The following SMAP1 variants were observed in gnomAD, a reference collection of about 807,000 sequenced individuals.
The protein encoded by SMAP1 is stromal membrane-associated protein 1.
In SMAP1, 24 loss-of-function variants were observed where a neutral mutation model predicts 58.5. The ratio of observed to expected loss-of-function variants is 0.41; its 90% CI spans 0.30 to 0.58. The LOEUF (loss-of-function observed/expected upper bound fraction) is 0.58. Among genes scored for constraint, SMAP1 ranks in the 20% least tolerant of loss-of-function variants. SMAP1 has a pLI of 0.29. For missense variants in SMAP1, 563 were observed against 566.3 expected, an observed-to-expected ratio of 0.99 and a Z score of 0.06; for synonymous variants, 216 against 196.6, an observed-to-expected ratio of 1.10 and a Z score of -0.82.
intron 4 of SMAP1, among the ~76,000 whole-genome samples, chr6:70,775,326 G>C (rs1767504344): frequency 6.6e-6 from 1 of 152,006 alleles, no homozygotes; most frequent in South Asian, 2.1e-4. Flanking sequence ...AATTATATTT[G>C]TATTATGTTT....
intron 2 of SMAP1, among the ~76,000 whole-genome samples, chr6:70,754,622 C>T (rs760539922): frequency 1.6e-4 from 25 of 152,064 alleles, no homozygotes; most frequent in Admixed American, 3.9e-4. Context: ...GCCCTGGAAA[C>T]GGGAGCATTG....
chr6:70,834,160 T>G (rs1770473735), intron 6 of SMAP1, among the ~76,000 whole-genome samples: 1 of 152,160 alleles, frequency 6.6e-6, no homozygotes, highest in African/African-American at 2.4e-5. Flanking sequence ...TGACAGATAG[T>G]TTCATACTCA....
intron 3 of SMAP1, among the ~76,000 whole-genome samples, chr6:70,763,846 CTGAGAGTGA>C (rs1376322532): frequency 6.6e-6 from 1 of 152,128 alleles, no homozygotes; most frequent in Admixed American, 6.6e-5. Flanking sequence ...TCTGTGAAGG[CTGAGAGTGA>C]TGAGGAAGCC....
intron 6 of SMAP1, among the ~76,000 whole-genome samples, chr6:70,808,216 G>A (rs1769221671): frequency 6.6e-6 from 1 of 152,234 alleles, no homozygotes; most frequent in East Asian, 1.9e-4. Flanking sequence ...AACCCATGTC[G>A]TTCAAGGGTC....
At chr6:70,808,322 A>G (rs931453435) in intron 6 of SMAP1, among the ~76,000 whole-genome samples, 1 of 152,254 alleles carries the variant, frequency 6.6e-6, no homozygotes, top group Non-Finnish European at 1.5e-5. Context: ...GTGAAGAACC[A>G]GATAGTAAAT....
At chr6:70,678,970 C>T (rs1326012286) in intron 1 of SMAP1, among the ~76,000 whole-genome samples, 1 of 151,734 alleles carries the variant, frequency 6.6e-6, no homozygotes, top group Non-Finnish European at 1.5e-5. Flanking sequence ...ATTATTCTGC[C>T]TAACAAAGTG....
chr6:70,699,041 G>A (rs1767522219), intron 1 of SMAP1, among the ~76,000 whole-genome samples: 1 of 152,180 alleles, frequency 6.6e-6, no homozygotes, highest in Non-Finnish European at 1.5e-5. Flanking sequence ...TCTTGGGAAG[G>A]CTGTCCAAGT....
At chr6:70,722,753 A>G (rs921634812) in intron 1 of SMAP1, among the ~76,000 whole-genome samples, 9 of 152,278 alleles carry the variant, frequency 5.9e-5, no homozygotes, top group Non-Finnish European at 1.2e-4. Flanking sequence ...CAGCAGGAAC[A>G]TGTCCTTAAG....
chr6:70,859,405 G>A (rs956931241), intron 10 of SMAP1: 1 of 1,547,790 alleles, frequency 6.5e-7, no homozygotes, highest in African/African-American at 1.4e-5. Flanking sequence ...TGGTTAAAAT[G>A]TCCTTTAGTA....
intron 1 of SMAP1, among the ~76,000 whole-genome samples, chr6:70,684,810 T>TTAG (rs1303005979): frequency 6.6e-6 from 1 of 152,182 alleles, no homozygotes; most frequent in Non-Finnish European, 1.5e-5. Flanking sequence ...TGTCTGTGGG[T>TTAG]TAGTAGTCAC....
chr6:70,744,743 G>C (rs933028114), intron 2 of SMAP1, among the ~76,000 whole-genome samples: 2 of 152,200 alleles, frequency 1.3e-5, no homozygotes, highest in African/African-American at 4.8e-5. Context: ...TTGGGGAATT[G>C]CCACACTGTC....
chr6:70,827,694 T>A (rs1464501034), intron 6 of SMAP1, among the ~76,000 whole-genome samples: 1 of 152,236 alleles, frequency 6.6e-6, no homozygotes, highest in African/African-American at 2.4e-5. Flanking sequence ...GTGTATCACA[T>A]AATTCACTAA....
intron 4 of SMAP1, among the ~76,000 whole-genome samples, chr6:70,781,403 T>A (rs1391589581): frequency 1.3e-5 from 2 of 152,144 alleles, no homozygotes; most frequent in African/African-American, 4.8e-5. Context: ...TCAGCTTTTT[T>A]AATCCAAGAT....
chr6:70,841,185 A>G (rs1770792704), intron 7 of SMAP1, among the ~76,000 whole-genome samples: 1 of 152,222 alleles, frequency 6.6e-6, no homozygotes, highest in East Asian at 1.9e-4. Context: ...TGCTTTGGGC[A>G]TAAGGCTTGA....
At chr6:70,842,935 C>G (rs1347188338) in intron 7 of SMAP1, among the ~76,000 whole-genome samples, 3 of 152,134 alleles carry the variant, frequency 2.0e-5, no homozygotes, top group Non-Finnish European at 4.4e-5. Context: ...AATTCCCCAG[C>G]AGGATTCCCA....
chr6:70,858,309 T>A, intron 10 of SMAP1, 80 bp downstream of exon 10: 1 of 1,265,578 alleles, frequency 7.9e-7, no homozygotes, highest in Non-Finnish European at 1.1e-6. Context: ...TTTTTTTTTT[T>A]TTTTTTAAGT....
intron 5 of SMAP1, among the ~76,000 whole-genome samples, chr6:70,795,847 C>T (rs1040312911): frequency 7.9e-5 from 12 of 151,948 alleles, no homozygotes; most frequent in Non-Finnish European, 1.5e-4. Flanking sequence ...AAGTGATTCT[C>T]CTGCCTCAGC....
intron 6 of SMAP1, among the ~76,000 whole-genome samples, chr6:70,801,241 G>A (rs192387111): frequency 3.4e-4 from 51 of 152,234 alleles, no homozygotes; most frequent in African/African-American, 1.2e-3. Context: ...TCTCATCGTG[G>A]TTTTGATTTG....
At chr6:70,824,850 G>A (rs1185995916) in intron 6 of SMAP1, among the ~76,000 whole-genome samples, 1 of 152,164 alleles carries the variant, frequency 6.6e-6, no homozygotes, top group Admixed American at 6.5e-5. Context: ...TACTGTATGT[G>A]TTGGCTAACA....
Sources: gnomAD v4.1 joint callset for allele counts (sites outside exome capture counted in the v4.1 genomes callset) on GRCh38, gnomAD v4.1.1 for gene constraint, MANE v1.5 for transcripts, NCBI Gene and HGNC (gene_info 2026-07-23, HGNC 2026-07-21) for gene names.